Variants in RHOBTB3 observed in about 807,000 individuals in gnomAD.
The protein encoded by RHOBTB3 is rho-related BTB domain-containing protein 3.
RHOBTB3 carries 47 observed loss-of-function variants against 67.2 expected under a neutral mutation model. The ratio of observed to expected loss-of-function variants is 0.70; its 90% CI spans 0.55 to 0.89. RHOBTB3 has a LOEUF of 0.89. Among genes scored for constraint, RHOBTB3 ranks in the 40% least tolerant of loss-of-function variants. RHOBTB3 has a pLI of 0.00. For missense variants in RHOBTB3, 631 were observed against 750.0 expected, an observed-to-expected ratio of 0.84 and a Z score of 1.85; for synonymous variants, 273 against 274.2, an observed-to-expected ratio of 1.00 and a Z score of 0.04.
intron 2 of RHOBTB3, among the ~76,000 whole-genome samples, chr5:95,733,110 A>G (rs1755344452): frequency 6.6e-6 from 1 of 152,236 alleles, no homozygotes; most frequent in Admixed American, 6.5e-5. Context: ...TCTTATGCAA[A>G]GTTCCACATA....
At chr5:95,777,964 A>C (rs1745937651) in intron 8 of RHOBTB3, among the ~76,000 whole-genome samples, 1 of 152,116 alleles carries the variant, frequency 6.6e-6, no homozygotes, top group Non-Finnish European at 1.5e-5. Context: ...TAAAAATACC[A>C]AAAAAGTTAG....
chr5:95,751,932 A>G (rs914110030), intron 4 of RHOBTB3, among the ~76,000 whole-genome samples: 2 of 152,142 alleles, frequency 1.3e-5, no homozygotes, highest in Non-Finnish European at 2.9e-5. Context: ...TATCCAGTCT[A>G]TCGGTGATGG....
chr5:95,791,267 C>T (rs1429416137), intron 11 of RHOBTB3, among the ~76,000 whole-genome samples: 1 of 152,082 alleles, frequency 6.6e-6, no homozygotes, highest in Non-Finnish European at 1.5e-5. Context: ...TACATCAGAA[C>T]CCAGTTAAAT....
chr5:95,767,864 G>A (rs948825094), intron 7 of RHOBTB3, 182 bp from the exon 8 acceptor site: 4 of 718,468 alleles, frequency 5.6e-6, no homozygotes, highest in African/African-American at 5.2e-5. Flanking sequence ...GTTGTTCACT[G>A]ACAGGCAGCC....
rs2112795947 is a variant in RHOBTB3, at chr5:95,752,355, A to G, written c.682+5A>G. On this transcript the variant is annotated splice_donor_5th_base_variant and intron_variant, in intron 5 of 11. Transcript: ENST00000379982. Reference sequence around the variant, plus strand: ...CACCTCAACTTGAACAACCAGGTGCATTTCTTAGCCAATGTCTAGACATTC... The same window carrying G: ...CACCTCAACTTGAACAACCAGGTGCGTTTCTTAGCCAATGTCTAGACATTC... 1.3e-6 allele frequency: 2 copies of G among 1,549,748 alleles called. No homozygotes were observed. The highest frequency in any genetic ancestry group is 4.5e-5 in the East Asian group (2 of 44,398).
At chr5:95,765,754 C>A (rs899630440) in intron 7 of RHOBTB3, among the ~76,000 whole-genome samples, 2 of 152,196 alleles carry the variant, frequency 1.3e-5, no homozygotes, top group Non-Finnish European at 2.9e-5. Flanking sequence ...CTCCGCCTCC[C>A]GGGTTCATGC....
chr5:95,771,668 A>C (rs535910033), intron 8 of RHOBTB3, among the ~76,000 whole-genome samples: 2 of 152,368 alleles, frequency 1.3e-5, no homozygotes, highest in East Asian at 3.9e-4. Context: ...GTCTATCTAA[A>C]GACAACTTTC....
At position 95,731,597 on chromosome 5, in the gene RHOBTB3, C is replaced by T. The variant is rs537242503; in HGVS notation, c.-86C>T. 22 of 1,586,178 alleles carry T rather than the reference C, an allele frequency of 1.4e-5. No homozygotes were observed. The highest frequency in any genetic ancestry group is 1.8e-5 in the Non-Finnish European group (21 of 1,166,802). ...GACGCGGCCGGGGATGAGCGGATTGCGGGTGAACTCGCCGCCCGGGGGCCC... is the reference window on the plus strand; with the variant it reads ...GACGCGGCCGGGGATGAGCGGATTGTGGGTGAACTCGCCGCCCGGGGGCCC... On this transcript the variant is annotated 5_prime_UTR_variant, in exon 1 of 12. Coordinates refer to ENST00000379982, the MANE Select transcript of RHOBTB3 (RefSeq NM_014899.4).
chr5:95,741,702 G>A (rs989464805), intron 3 of RHOBTB3, among the ~76,000 whole-genome samples: 1 of 151,792 alleles, frequency 6.6e-6, no homozygotes, highest in Non-Finnish European at 1.5e-5. Context: ...GTGGGTTTGG[G>A]GGGAGGGACC....
In RHOBTB3 at chr5:95,755,760, A is replaced by G; in HGVS notation, c.1047A>G (p.Ser349=). The change falls in exon 6 of 12, where the codon TCA becomes TCG. Residue 349 remains serine, a splice_region_variant and synonymous_variant. Transcript: ENST00000379982. ...CLSDILRFIY[S]GAFQWEELEE... ...CAGACATCCTTCGCTTCATTTATTC[A>G]GGTATCTTGTCAAGTGGTTCTGGTT... 1.2e-6 allele frequency: 2 copies of G among 1,612,928 alleles called. No homozygotes were observed. Among genetic ancestry groups the G allele is most frequent in the Non-Finnish European group, 1.7e-6 (2 of 1,179,894 alleles).
rs756393194 is a variant in RHOBTB3, at chr5:95,794,682, T to C, written c.*1508T>C. The C allele has an allele frequency of 6.6e-6, 1 of 152,266 alleles. No individual in the cohort carries two copies. Among genetic ancestry groups the C allele is most frequent in the Non-Finnish European group, 1.5e-5 (1 of 68,064 alleles). The allele number at this position is 152,266 out of a possible 1,614,324, so 9.4% of individuals were successfully genotyped here. ...AGTCACTACTGGAATATATTTTTCT[T>C]TTAATTTCCAGTGACTTTAGAATAC... is the stretch of plus-strand genomic sequence containing the variant. On this transcript the variant is annotated 3_prime_UTR_variant, in exon 12 of 12. Transcript: ENST00000379982.
At chr5:95,788,991 AGT>A in intron 11 of RHOBTB3, 133 bp downstream of exon 11, 1 of 587,762 alleles carries the variant, frequency 1.7e-6, no homozygotes, top group Non-Finnish European at 2.9e-6. Context: ...TAAATTATGC[AGT>A]GTGGTAATTG....
rs189853819 is a variant in RHOBTB3 at position 95,732,276 on chromosome 5, T to C, written c.228+192T>C. Reference sequence around the variant, plus strand: ...GGAACAGCCCTGTCAGAGAACACTCTTAGGAAGATAGAAGGCCCCAGTGGG... The same window carrying C: ...GGAACAGCCCTGTCAGAGAACACTCCTAGGAAGATAGAAGGCCCCAGTGGG... On this transcript the variant is annotated intron_variant, in intron 2 of 11. Transcript: ENST00000379982. 690 of 627,456 alleles carry C rather than the reference T, an allele frequency of 1.1e-3. 3 individuals are homozygous for C. In the African/African-American group the frequency reaches 0.012, roughly 11 times the overall value. 38.9% of individuals were successfully genotyped at this position (627,456 alleles called of 1,614,324 possible). A position where few individuals can be genotyped will look rare whatever the true frequency, so the allele number is the denominator to read the frequency against.
chr5:95,763,121 A>G (rs3777220), intron 6 of RHOBTB3, among the ~76,000 whole-genome samples: 77,251 of 151,950 alleles, frequency 0.51, 20,304 homozygotes, highest in Admixed American at 0.59. Context: ...ACTGCTGCCC[A>G]TAACTGGTAA....
At chr5:95,768,252 G>A (rs1580417816) in intron 8 of RHOBTB3, 86 bp downstream of exon 8, 4 of 1,333,332 alleles carry the variant, frequency 3.0e-6, no homozygotes, top group Non-Finnish European at 4.2e-6. Flanking sequence ...TGAATGTTTG[G>A]TGTGAAGGAA....
intron 1 of RHOBTB3, among the ~76,000 whole-genome samples, chr5:95,717,990 G>A (rs1754732107): frequency 6.6e-6 from 1 of 152,280 alleles, no homozygotes; most frequent in African/African-American, 2.4e-5. Flanking sequence ...GAGCAACTAA[G>A]AACTTATAAA....
chr5:95,740,602 G>T (rs1042727993), intron 3 of RHOBTB3, among the ~76,000 whole-genome samples: 5 of 152,186 alleles, frequency 3.3e-5, no homozygotes, highest in African/African-American at 1.2e-4. Context: ...GGCTTGGAAA[G>T]GATCCACAAG....
intron 2 of RHOBTB3, among the ~76,000 whole-genome samples, chr5:95,735,779 C>T (rs534306018): frequency 1.1e-4 from 16 of 152,280 alleles, no homozygotes; most frequent in East Asian, 9.7e-4. Flanking sequence ...CATCACTATT[C>T]ATACAGAAAC....
rs1745067360 is a variant in RHOBTB3 at position 95,750,750 on chromosome 5, GTCTT to G, written c.571-1487_571-1484del. On this transcript the variant is annotated intron_variant, in intron 4 of 11. Coordinates refer to ENST00000379982, the MANE Select transcript of RHOBTB3 (RefSeq NM_014899.4). Reference sequence around the variant, plus strand: ...GGCCTGCGGGGTGGCCAAAGGGTGAGTCTTTATGGGGAATGGGGGAGGGGACAGT... The same window carrying G: ...GGCCTGCGGGGTGGCCAAAGGGTGAGTATGGGGAATGGGGGAGGGGACAGT... Among the ~76,000 whole-genome samples, 5 of 152,156 alleles carry G rather than the reference GTCTT, an allele frequency of 3.3e-5. No individual in the cohort carries two copies. The South Asian group carries it at 1.0e-3, about 31-fold the overall frequency.
Sources: gnomAD v4.1 joint callset for allele counts (sites outside exome capture counted in the v4.1 genomes callset) on GRCh38, gnomAD v4.1.1 for gene constraint, MANE v1.5 for transcripts, NCBI Gene and HGNC (gene_info 2026-07-23, HGNC 2026-07-21) for gene names.